TOPORS: variants seen among roughly 807,000 people sequenced by gnomAD.
TOPORS encodes the protein TOP1 binding arginine/serine rich protein, E3 ubiquitin ligase, also known as E3 ubiquitin-protein ligase Topors.
TOPORS carries 25 observed loss-of-function variants against 81.4 expected under a neutral mutation model. That is an observed-to-expected ratio of 0.31 (90% CI 0.22 to 0.43). The LOEUF is 0.43. TOPORS is among the 20% of genes least tolerant of loss of function. The pLI, the probability that TOPORS is intolerant of heterozygous loss-of-function variation, is 1.00. For synonymous variants in TOPORS, 473 were observed against 456.6 expected, an observed-to-expected ratio of 1.04 and a Z score of -0.46; for missense variants, 1,101 against 1,267.0, an observed-to-expected ratio of 0.87 and a Z score of 1.99.
chr9:32,552,465 T>A lies in TOPORS; in HGVS notation c.-29A>T. 6.2e-7 allele frequency: 1 copy of A among 1,600,658 alleles called. No individual in the cohort carries two copies. The highest frequency in any genetic ancestry group is 8.5e-7 in the Non-Finnish European group (1 of 1,174,158). On this transcript the variant is annotated 5_prime_UTR_variant, in exon 1 of 3. Coordinates refer to ENST00000360538, the MANE Select transcript of TOPORS (RefSeq NM_005802.5). ...GCCAGTAAGTCGTCGCACGCTGGAC[T>A]GGATTTATTCAGTGGTAAGTCCCGG...
chr9:32,551,853 T>C (rs959581307), intron 1 of TOPORS: 56 of 435,270 alleles, frequency 1.3e-4, no homozygotes, highest in African/African-American at 1.0e-3. Context: ...CATTACGCTA[T>C]ACGTTTCTGA....
chr9:32,543,949 C>A lies in TOPORS; in HGVS notation c.576G>T (p.Val192=), dbSNP rs116721635. The change falls in exon 3 of 3, where the codon GTG becomes GTT. Residue 192 remains valine, a synonymous_variant. Coordinates refer to ENST00000360538, the MANE Select transcript of TOPORS (RefSeq NM_005802.5). This position sits in a 1 kb window ranked among gnomAD's most constrained non-coding sequence, Gnocchi z 5.6. ...TTLTRERNAS[V]YSPSGPVNRR... is the part of the protein sequence containing the mutation. ...TGTTCACAGGACCACTAGGTGAATACACAGAAGCATTTCGTTCCCTTGTCA... is the reference window on the plus strand; with the variant it reads ...TGTTCACAGGACCACTAGGTGAATAAACAGAAGCATTTCGTTCCCTTGTCA... The A allele has an allele frequency of 1.0e-3, 1,629 of 1,614,092 alleles. 12 individuals are homozygous for A. The African/African-American group carries it at 0.019, about 18-fold the overall frequency.
chr9:32,541,946 C>A lies in TOPORS; in HGVS notation c.2579G>T (p.Arg860Met). The A allele has an allele frequency of 6.2e-7, 1 of 1,613,166 alleles. No homozygotes were observed. The highest frequency in any genetic ancestry group is 8.5e-7 in the Non-Finnish European group (1 of 1,179,878). The change falls in exon 3 of 3, where the codon AGG (arginine) becomes ATG (methionine). Residue 860 changes from arginine to methionine, a missense_variant. Physicochemically the swap from Arg to Met is moderately conservative, Grantham distance 91. This residue lies in a region of TOPORS where 605 missense variants were observed against 636.1 expected (regional missense o/e 0.95). Coordinates refer to ENST00000360538, the MANE Select transcript of TOPORS (RefSeq NM_005802.5). ...DRETKHKRRKRKTRSLSVEIV... is the reference protein window; with the variant it reads ...DRETKHKRRKMKTRSLSVEIV... ...CTCTACACTTAGGCTCCGGGTCTTC[C>A]TTTTTCTCCTTTTGTGTTTTGTCTC...
Position 32,542,264 on chromosome 9 carries a change from T to C in TOPORS, c.2261A>G (p.Asn754Ser). ...FSERTNARKKNNHSERKYYYY... is the reference protein window; with the variant it reads ...FSERTNARKKSNHSERKYYYY... ...GTAATACTTCCTCTCACTGTGATTA[T>C]TTTTTTTCCTAGCATTTGTTCTTTC... Residue 754 changes from asparagine to serine, a missense_variant, in exon 3 of 3, where the codon AAT (asparagine) becomes AGT (serine). This residue lies in a region of TOPORS where 605 missense variants were observed against 636.1 expected (regional missense o/e 0.95). Coordinates refer to ENST00000360538, the MANE Select transcript of TOPORS (RefSeq NM_005802.5). 6.2e-7 allele frequency: 1 copy of C among 1,613,904 alleles called. No individual in the cohort carries two copies.
chr9:32,548,001 T>C (rs1445408608), intron 2 of TOPORS, among the ~76,000 whole-genome samples: 3 of 125,812 alleles, frequency 2.4e-5, no homozygotes, highest in Admixed American at 2.3e-4. Context: ...CGCTCGGCAT[T>C]TTTTTTTTTT....
intron 2 of TOPORS, 36 bp downstream of exon 2, chr9:32,550,738 C>G (rs770304795): frequency 1.1e-4 from 181 of 1,610,910 alleles, no homozygotes; most frequent in Non-Finnish European, 1.5e-4. Flanking sequence ...ACGGCCCTTC[C>G]GACCCCCGCG....
rs534174718 is a variant in TOPORS at position 32,545,545 on chromosome 9, G to A, written c.199-1219C>T. Among the ~76,000 whole-genome samples the A allele has an allele frequency of 1.6e-3, 241 of 151,926 alleles. 2 individuals carry two copies. Among genetic ancestry groups the A allele is most frequent in the Admixed American group, 2.1e-3 (32 of 15,246 alleles). Reference sequence around the variant, plus strand: ...GGAGGCCAAGGCAGGCAGATCACCTGAGGTCAGGAGTTCAAGACCAGCCTG... The same window carrying A: ...GGAGGCCAAGGCAGGCAGATCACCTAAGGTCAGGAGTTCAAGACCAGCCTG... On this transcript the variant is annotated intron_variant, in intron 2 of 2. Coordinates refer to ENST00000360538, the MANE Select transcript of TOPORS (RefSeq NM_005802.5).
chr9:32,543,359 G>C lies in TOPORS; in HGVS notation c.1166C>G (p.Ser389Cys), dbSNP rs1821099468. ...ATCTGGAGATATTGTTATGACTGAA[G>C]AATCAGAATGGCTGCCTTCTTCGTA... ...PSYEEGSHSD[S>C]SVITISPDEA... The change falls in exon 3 of 3, where the codon TCT (serine) becomes TGT (cysteine). Residue 389 changes from serine to cysteine, a missense_variant. Transcript: ENST00000360538. This position sits in a 1 kb window ranked among gnomAD's most constrained non-coding sequence, Gnocchi z 5.6. 20 of 1,614,128 alleles carry C rather than the reference G, an allele frequency of 1.2e-5. No homozygotes were observed. The highest frequency in any genetic ancestry group is 1.5e-5 in the Non-Finnish European group (18 of 1,180,012).
In TOPORS at chr9:32,542,613, T is replaced by C. The variant is rs1169888145; in HGVS notation, c.1912A>G (p.Arg638Gly). 1.9e-6 allele frequency: 3 copies of C among 1,614,110 alleles called. No individual in the cohort carries two copies. The highest frequency in any genetic ancestry group is 1.7e-5 in the Admixed American group (1 of 60,024). Residue 638 changes from arginine (R) to glycine (G), a missense_variant, in exon 3 of 3, where the codon AGA (arginine) becomes GGA (glycine). Transcript: ENST00000360538. ...RSRSRESSRPRGRRDKKRSRT... is the reference protein window; with the variant it reads ...RSRSRESSRPGGRRDKKRSRT... Reference sequence around the variant, plus strand: ...GATCTCTTTTTGTCTCTTCTCCCTCTAGGTCTGCTACTTTCCCTGCTTCTG... The same window carrying C: ...GATCTCTTTTTGTCTCTTCTCCCTCCAGGTCTGCTACTTTCCCTGCTTCTG...
Position 32,544,276 on chromosome 9 carries a change from T to C in TOPORS, c.249A>G (p.Lys83=). The C allele has an allele frequency of 6.2e-7, 1 of 1,605,328 alleles. No individual in the cohort carries two copies. Among genetic ancestry groups the C allele is most frequent in the Non-Finnish European group, 8.5e-7 (1 of 1,179,988 alleles). ...TCTGTTGCAATTTGCTAGTGCCAGCTTTAGGTGAAAAGTTGTCCATTTTAA... is the reference window on the plus strand; with the variant it reads ...TCTGTTGCAATTTGCTAGTGCCAGCCTTAGGTGAAAAGTTGTCCATTTTAA... ...KEFKMDNFSP[K]AGTSKLQQTV... The change falls in exon 3 of 3, where the codon AAA becomes AAG. Residue 83 remains lysine, a synonymous_variant. Coordinates refer to ENST00000360538, the MANE Select transcript of TOPORS (RefSeq NM_005802.5).
Position 32,542,331 on chromosome 9 carries a change from T to C in TOPORS, c.2194A>G (p.Arg732Gly). Residue 732 changes from arginine to glycine, a missense_variant, in exon 3 of 3, where the codon AGA (arginine) becomes GGA (glycine). Physicochemically the swap from Arg to Gly is moderately radical, Grantham distance 125. This residue lies in a region of TOPORS where 605 missense variants were observed against 636.1 expected (regional missense o/e 0.95). Transcript: ENST00000360538. ...RRTLSRAHYS[R>G]QSSSPEFRVQ... is the part of the protein sequence containing the mutation. Reference sequence around the variant, plus strand: ...CTAAATTCTGGACTTGAAGACTGTCTAGAATAATGAGCTCTGGACAGAGTC... The same window carrying C: ...CTAAATTCTGGACTTGAAGACTGTCCAGAATAATGAGCTCTGGACAGAGTC... 1.2e-6 allele frequency: 2 copies of C among 1,614,156 alleles called. No individual in the cohort carries two copies. The highest frequency in any genetic ancestry group is 1.7e-6 in the Non-Finnish European group (2 of 1,179,980).
In TOPORS at chr9:32,552,451, G is replaced by C. The variant is rs1381709057; in HGVS notation, c.-15C>G. 1 of 1,604,568 alleles carries C rather than the reference G, an allele frequency of 6.2e-7. No individual in the cohort carries two copies. Among genetic ancestry groups the C allele is most frequent in the Non-Finnish European group, 8.5e-7 (1 of 1,175,978 alleles). On this transcript the variant is annotated 5_prime_UTR_variant, in exon 1 of 3. Coordinates refer to ENST00000360538, the MANE Select transcript of TOPORS (RefSeq NM_005802.5). The stretch of plus-strand genomic sequence containing the variant: ...CTCCTTACCATGAAGCCAGTAAGTC[G>C]TCGCACGCTGGACTGGATTTATTCA...
intron 1 of TOPORS, chr9:32,551,335 G>A (rs1821253313): frequency 5.1e-6 from 2 of 392,320 alleles, no homozygotes; most frequent in African/African-American, 2.1e-5. Flanking sequence ...CTAGATAGGG[G>A]AATTGTTAGA....
In TOPORS at chr9:32,541,633, C is replaced by T. The variant is rs201280945; in HGVS notation, c.2892G>A (p.Lys964=). 34 of 1,614,160 alleles carry T rather than the reference C, an allele frequency of 2.1e-5. No individual in the cohort carries two copies. The African/African-American group carries it at 4.1e-4, about 20-fold the overall frequency. ...TIEAEFGVLD[K]ECDIATLSNN... ...TACTAAGTGTGGCAATATCACATTC[C>T]TTGTCCAGCACACCAAATTCAGCTT... The change falls in exon 3 of 3, where the codon AAG becomes AAA. Residue 964 remains lysine, a synonymous_variant. Transcript: ENST00000360538.
Position 32,552,448 on chromosome 9 carries a change from G to A in TOPORS, c.-12C>T. ...CGCCTCCTTACCATGAAGCCAGTAAGTCGTCGCACGCTGGACTGGATTTAT... is the reference window on the plus strand; with the variant it reads ...CGCCTCCTTACCATGAAGCCAGTAAATCGTCGCACGCTGGACTGGATTTAT... On this transcript the variant is annotated 5_prime_UTR_variant, in exon 1 of 3. Coordinates refer to ENST00000360538, the MANE Select transcript of TOPORS (RefSeq NM_005802.5). 1.2e-6 allele frequency: 2 copies of A among 1,606,054 alleles called. No individual in the cohort carries two copies. The highest frequency in any genetic ancestry group is 8.5e-7 in the Non-Finnish European group (1 of 1,176,656).
chr9:32,545,731 G>C (rs1821132417), intron 2 of TOPORS, among the ~76,000 whole-genome samples: 1 of 152,024 alleles, frequency 6.6e-6, no homozygotes, highest in South Asian at 2.1e-4. Flanking sequence ...ATTGCAGTGG[G>C]TGACAAGAGT....
At chr9:32,545,792 C>G (rs767958231) in intron 2 of TOPORS, among the ~76,000 whole-genome samples, 2 of 152,092 alleles carry the variant, frequency 1.3e-5, no homozygotes, top group East Asian at 3.9e-4. Flanking sequence ...AACTACTAGG[C>G]CCTTGGTTTC....
At position 32,540,971 on chromosome 9, in the gene TOPORS, AAG is replaced by A; in HGVS notation, c.*414_*415del. On this transcript the variant is annotated 3_prime_UTR_variant, in exon 3 of 3. Coordinates refer to ENST00000360538, the MANE Select transcript of TOPORS (RefSeq NM_005802.5). Reference sequence around the variant, plus strand: ...ATATAAATTTTTAAGAAGAAAAATAAAGACTGTCCAAAGGGATTCTCCTAGCT... The same window carrying A: ...ATATAAATTTTTAAGAAGAAAAATAAACTGTCCAAAGGGATTCTCCTAGCT... The A allele has an allele frequency of 6.4e-6, 1 of 155,920 alleles. No homozygotes were observed. The highest frequency in any genetic ancestry group is 1.4e-5 in the Non-Finnish European group (1 of 69,984). The allele number at this position is 155,920 out of a possible 1,614,324, so 9.7% of individuals were successfully genotyped here. A position where few individuals can be genotyped will look rare whatever the true frequency, so the allele number is the denominator to read the frequency against.
In TOPORS at chr9:32,541,558, T is replaced by G; in HGVS notation, c.2967A>C (p.Ala989=). ...NKTVDNIPPL[A]ASVEQTLDVR... ...CATCGAGAGTTTGTTCAACTGAAGC[T>G]GCCAGAGGTGGAATATTATCTACAG... Residue 989 remains alanine (A), a synonymous_variant, in exon 3 of 3, where the codon GCA becomes GCC. Coordinates refer to ENST00000360538, the MANE Select transcript of TOPORS (RefSeq NM_005802.5). 6.2e-7 allele frequency: 1 copy of G among 1,614,224 alleles called. No homozygotes were observed.
Sources: gnomAD v4.1 joint callset for allele counts (sites outside exome capture counted in the v4.1 genomes callset) on GRCh38, gnomAD v4.1.1 for gene constraint, gnomAD v4.1.1 regional missense constraint, Gnocchi (gnomAD v3.1) non-coding constraint, MANE v1.5 for transcripts, NCBI Gene and HGNC (gene_info 2026-07-23, HGNC 2026-07-21) for gene names.